Variants in LSAMP observed in about 807,000 individuals in gnomAD.
LSAMP encodes limbic system-associated membrane protein.
In LSAMP, 7 loss-of-function variants were observed where a neutral mutation model predicts 38.6. The ratio of observed to expected loss-of-function variants is 0.18; its 90% confidence interval spans 0.10 to 0.34. LSAMP has a LOEUF of 0.34. Among genes scored for constraint, LSAMP ranks in the 10% least tolerant of loss-of-function variants. The probability of loss-of-function intolerance (pLI) is 1.00; values close to 1 mark genes in which losing one functional copy is unlikely to be tolerated. For missense variants in LSAMP, 313 were observed against 420.0 expected, an observed-to-expected ratio of 0.75 and a Z score of 2.23; for synonymous variants, 154 against 166.8, an observed-to-expected ratio of 0.92 and a Z score of 0.59.
In LSAMP at chr3:115,804,548, A is replaced by T. The variant is rs1172370697; in HGVS notation, c.*5769T>A. 6.6e-6 allele frequency: 1 copy of T among 152,180 alleles called. No homozygotes were observed. The highest frequency in any genetic ancestry group is 1.5e-5 in the Non-Finnish European group (1 of 68,024). The allele number at this position is 152,180 out of a possible 1,614,324, so 9.4% of individuals were successfully genotyped here. A position where few individuals can be genotyped will look rare whatever the true frequency, so the allele number is the denominator to read the frequency against. On this transcript the variant is annotated 3_prime_UTR_variant, in exon 7 of 7. Transcript: ENST00000490035. Reference sequence around the variant, plus strand: ...CAAGAAGACACTTGGGGGTTGATACAACAGGCACATGAGCCCTTAAAACTC... The same window carrying T: ...CAAGAAGACACTTGGGGGTTGATACTACAGGCACATGAGCCCTTAAAACTC...
intron 3 of LSAMP, among the ~76,000 whole-genome samples, chr3:115,893,642 A>G (rs1055626034): frequency 3.9e-5 from 6 of 152,044 alleles, no homozygotes; most frequent in African/African-American, 1.4e-4. Context: ...AAATATTATA[A>G]AAGTGTAGTC....
intron 3 of LSAMP, among the ~76,000 whole-genome samples, chr3:115,880,685 T>G (rs1936298088): frequency 6.6e-6 from 1 of 152,112 alleles, no homozygotes; most frequent in South Asian, 2.1e-4. Flanking sequence ...AAAATCAGAT[T>G]AAAAGATCAT....
chr3:115,983,976 C>T (rs1372942514), intron 3 of LSAMP, among the ~76,000 whole-genome samples: 2 of 151,928 alleles, frequency 1.3e-5, no homozygotes, highest in Non-Finnish European at 2.9e-5. Context: ...AATAATTTGA[C>T]AGCACTATGG....
chr3:116,109,997 GAGGT>G (rs1309380184), intron 1 of LSAMP, among the ~76,000 whole-genome samples: 4 of 151,528 alleles, frequency 2.6e-5, no homozygotes, highest in Admixed American at 6.6e-5. Flanking sequence ...ACAGAGATAA[GAGGT>G]AGGGGTGAGG....
At chr3:116,395,171 TAAG>T (rs1222220221) in intron 1 of LSAMP, among the ~76,000 whole-genome samples, 2 of 152,186 alleles carry the variant, frequency 1.3e-5, no homozygotes, top group Non-Finnish European at 2.9e-5. Flanking sequence ...GGAAATGAAA[TAAG>T]AACTTCAAAG....
chr3:116,171,797 AG>A (rs1267696420), intron 1 of LSAMP, among the ~76,000 whole-genome samples: 1 of 152,024 alleles, frequency 6.6e-6, no homozygotes, highest in Non-Finnish European at 1.5e-5. Flanking sequence ...TGGAGAAGAG[AG>A]GATCAACTTT....
At chr3:116,127,746 A>T in intron 1 of LSAMP, among the ~76,000 whole-genome samples, 1 of 143,554 alleles carries the variant, frequency 7.0e-6, no homozygotes, top group African/African-American at 2.6e-5. Flanking sequence ...ATCACGAGGC[A>T]AATAGTACAA....
intron 1 of LSAMP, among the ~76,000 whole-genome samples, chr3:116,408,682 A>G (rs2048930690): frequency 1.3e-5 from 2 of 152,088 alleles, no homozygotes; most frequent in South Asian, 4.1e-4. Flanking sequence ...GAGAGATTGC[A>G]CAATATCTCA....
chr3:116,204,517 G>C (rs1223270044), intron 1 of LSAMP, among the ~76,000 whole-genome samples: 1 of 150,662 alleles, frequency 6.6e-6, no homozygotes, highest in African/African-American at 2.4e-5. Flanking sequence ...TTTTCTTCTA[G>C]GGTTTTTATG....
intron 1 of LSAMP, among the ~76,000 whole-genome samples, chr3:116,413,334 C>A (rs1004210080): frequency 6.6e-6 from 1 of 151,884 alleles, no homozygotes; most frequent in African/African-American, 2.4e-5. Context: ...TGAAAACTAC[C>A]TAAATGCCTA....
At chr3:116,374,802 C>T (rs1191533983) in intron 1 of LSAMP, among the ~76,000 whole-genome samples, 2 of 151,846 alleles carry the variant, frequency 1.3e-5, no homozygotes, top group East Asian at 1.9e-4. Context: ...GCAACTGACC[C>T]TAGACTCAAG....
chr3:116,444,848 G>A (rs2049487297), intron 1 of LSAMP, 29 bp downstream of exon 1: 1 of 1,613,280 alleles, frequency 6.2e-7, no homozygotes, highest in Non-Finnish European at 8.5e-7. Context: ...GTAGACGCGC[G>A]CAGCAGAAAA....
intron 3 of LSAMP, among the ~76,000 whole-genome samples, chr3:115,989,819 A>G (rs996382511): frequency 2.0e-5 from 3 of 152,064 alleles, no homozygotes; most frequent in African/African-American, 7.2e-5. Context: ...TGCTATTATT[A>G]ATGATAAATG....
intron 2 of LSAMP, among the ~76,000 whole-genome samples, chr3:116,071,736 G>C (rs968564584): frequency 1.3e-5 from 2 of 152,098 alleles, no homozygotes; most frequent in East Asian, 3.9e-4. Flanking sequence ...TATTCTTTCT[G>C]ATGCTCTCCT....
chr3:115,869,208 G>C (rs1213414004), intron 3 of LSAMP, among the ~76,000 whole-genome samples: 1 of 151,052 alleles, frequency 6.6e-6, no homozygotes, highest in South Asian at 2.1e-4. Context: ...CAAAAAGCCA[G>C]ATTAGGTCAG....
chr3:116,077,439 T>C (rs1707769710), intron 2 of LSAMP, among the ~76,000 whole-genome samples: 1 of 152,138 alleles, frequency 6.6e-6, no homozygotes, highest in Non-Finnish European at 1.5e-5. Context: ...GATTTTTGTC[T>C]GTTGACTTTG....
Position 116,203,263 on chromosome 3 carries a change from C to T in LSAMP, c.156-116707G>A, listed in dbSNP as rs1332111007. ...CATTATGTTCTCTTCAGTAGATTTC[C>T]TTTATGAGGTCAAGAAGTTCCCTTC... On this transcript the variant is annotated intron_variant, in intron 1 of 6. Coordinates refer to ENST00000490035, the MANE Select transcript of LSAMP (RefSeq NM_002338.5). 4.6e-5 allele frequency among the ~76,000 whole-genome samples: 7 copies of T among 152,088 alleles called. No individual in the cohort carries two copies. In the East Asian group the frequency reaches 1.2e-3, roughly 25 times the overall value.
At chr3:115,864,070 A>G (rs1935789339) in intron 3 of LSAMP, among the ~76,000 whole-genome samples, 2 of 152,162 alleles carry the variant, frequency 1.3e-5, no homozygotes, top group Non-Finnish European at 2.9e-5. Flanking sequence ...TGTGGCTATT[A>G]AAGAATTGTA....
intron 1 of LSAMP, among the ~76,000 whole-genome samples, chr3:116,169,597 C>G (rs1346397857): frequency 6.6e-6 from 1 of 152,186 alleles, no homozygotes; most frequent in Non-Finnish European, 1.5e-5. Context: ...GCCAACAGAA[C>G]AATCCCCATT....
Sources: allele counts gnomAD v4.1 joint callset (sites outside exome capture counted in the v4.1 genomes callset), GRCh38; gene constraint gnomAD v4.1.1; transcripts MANE v1.5; gene names NCBI Gene and HGNC (gene_info 2026-07-23, HGNC 2026-07-21).